Variants in PRUNE2 observed in about 807,000 individuals in gnomAD.
PRUNE2 encodes the protein prune homolog 2 with BCH domain, also known as protein prune homolog 2.
Under a neutral mutation model 252.0 loss-of-function variants are expected in PRUNE2, and 164 were observed. The ratio of observed to expected loss-of-function variants is 0.65; its 90% CI spans 0.57 to 0.74. The LOEUF (loss-of-function observed/expected upper bound fraction) is 0.74, where lower values mean the gene tolerates loss of function less well. Among genes scored for constraint, PRUNE2 ranks in the 30% least tolerant of loss-of-function variants. The pLI is 0.00. For synonymous variants in PRUNE2, 1,292 were observed against 1,350.2 expected (o/e 0.96, Z 0.94); for missense variants, 3,495 against 3,711.0 (o/e 0.94, Z 1.51).
chr9:76,810,056 C>G (rs1010870855), intron 6 of PRUNE2, among the ~76,000 whole-genome samples: 3 of 152,192 alleles, frequency 2.0e-5, no homozygotes, highest in Non-Finnish European at 4.4e-5. Flanking sequence ...AAAGCAAGCA[C>G]TGTTAAGTGC....
chr9:76,662,079 A>G (rs994410434), intron 9 of PRUNE2, among the ~76,000 whole-genome samples: 2 of 152,224 alleles, frequency 1.3e-5, no homozygotes, highest in African/African-American at 4.8e-5. Flanking sequence ...CAAACTTGTG[A>G]AAGCAGCTAA....
At chr9:76,617,593 G>A (rs1462825912) in intron 18 of PRUNE2, among the ~76,000 whole-genome samples, 1 of 152,056 alleles carries the variant, frequency 6.6e-6, no homozygotes, top group African/African-American at 2.4e-5. Flanking sequence ...GCCTCTTAAG[G>A]GCTCAGGAAA....
rs1275544870 is a variant in PRUNE2, at chr9:76,644,571, T to C, written c.8728+168A>G. 1.2e-5 allele frequency: 9 copies of C among 735,782 alleles called. 1 individual carries two copies. In the Admixed American group the frequency reaches 1.4e-4, roughly 11 times the overall value. 45.6% of individuals were successfully genotyped at this position (735,782 alleles called of 1,614,324 possible). On this transcript the variant is annotated intron_variant, in intron 12 of 18. Transcript: ENST00000376718. ...TGCCTAGTAGGATTTCAAATGTTTA[T>C]TGAATTGAATATGAGGAAATATACT... is the stretch of plus-strand genomic sequence containing the variant.
chr9:76,842,984 C>A (rs558751873), intron 4 of PRUNE2, among the ~76,000 whole-genome samples: 1 of 152,124 alleles, frequency 6.6e-6, no homozygotes, highest in Admixed American at 6.6e-5. Context: ...GGATATATAC[C>A]CAAAGGATTA....
chr9:76,768,705 A>G (rs1270809015), intron 6 of PRUNE2, among the ~76,000 whole-genome samples: 2 of 151,890 alleles, frequency 1.3e-5, no homozygotes, highest in Non-Finnish European at 2.9e-5. Flanking sequence ...AAAATAATTT[A>G]TGGTTTACCT....
At chr9:76,767,766 A>G (rs2130865993) in intron 6 of PRUNE2, among the ~76,000 whole-genome samples, 1 of 152,268 alleles carries the variant, frequency 6.6e-6, no homozygotes, top group Admixed American at 6.5e-5. Flanking sequence ...AAGTCTATCC[A>G]GGGGTGTAAA....
chr9:76,614,686 T>TC, intron 18 of PRUNE2, 86 bp from the exon 19 acceptor site: 1 of 1,043,148 alleles, frequency 9.6e-7, no homozygotes, highest in South Asian at 1.4e-5. Context: ...GTGTTTGCTT[T>TC]TTTCCTCAAA....
intron 4 of PRUNE2, among the ~76,000 whole-genome samples, chr9:76,830,009 T>C (rs1374453895): frequency 1.3e-5 from 2 of 152,222 alleles, no homozygotes; most frequent in African/African-American, 4.8e-5. Context: ...AGAATTACAA[T>C]AGAGAATTAG....
At chr9:76,631,431 G>A (rs1837567224) in intron 15 of PRUNE2, among the ~76,000 whole-genome samples, 1 of 152,174 alleles carries the variant, frequency 6.6e-6, no homozygotes, top group Admixed American at 6.5e-5. Context: ...AAACTCACCT[G>A]GAGGGAAGGC....
intron 1 of PRUNE2, among the ~76,000 whole-genome samples, chr9:76,892,135 G>A (rs1436211623): frequency 1.3e-5 from 2 of 152,220 alleles, no homozygotes; most frequent in Admixed American, 6.5e-5. Flanking sequence ...TTTCTGTTAC[G>A]CTTGTCTCAA....
chr9:76,626,366 T>A (rs929243038), intron 16 of PRUNE2, among the ~76,000 whole-genome samples: 4 of 152,226 alleles, frequency 2.6e-5, no homozygotes, highest in Non-Finnish European at 5.9e-5. Context: ...ATCCTTTGAA[T>A]GTTATTCAGT....
At chr9:76,622,184 A>G (rs1003271796) in intron 17 of PRUNE2, among the ~76,000 whole-genome samples, 1 of 152,194 alleles carries the variant, frequency 6.6e-6, no homozygotes, top group Non-Finnish European at 1.5e-5. Flanking sequence ...CTGAGCATCT[A>G]CTATGTACCA....
intron 4 of PRUNE2, among the ~76,000 whole-genome samples, chr9:76,845,386 C>A (rs577990703): frequency 6.6e-6 from 1 of 152,218 alleles, no homozygotes; most frequent in Non-Finnish European, 1.5e-5. Flanking sequence ...TGTTGAACAA[C>A]TTTCCTCTTG....
intron 6 of PRUNE2, among the ~76,000 whole-genome samples, chr9:76,813,926 C>T (rs1049570505): frequency 1.3e-5 from 2 of 152,166 alleles, no homozygotes; most frequent in Admixed American, 6.5e-5. Flanking sequence ...AAGCAATTCT[C>T]CTGCCTCAGC....
In PRUNE2 at chr9:76,823,731, G is replaced by A. The variant is rs200330101; in HGVS notation, c.662-5C>T. The A allele has an allele frequency of 3.0e-4, 462 of 1,549,414 alleles. No individual in the cohort carries two copies. The highest frequency in any genetic ancestry group is 3.8e-4 in the Non-Finnish European group (431 of 1,130,494). ...TTGTCTGTTCAATACTTAAACCTGT[G>A]GATGACAGGAAAAAAAAACATTATG... On this transcript the variant is annotated splice_polypyrimidine_tract_variant and splice_region_variant and intron_variant, in intron 5 of 18. Transcript: ENST00000376718.
intron 1 of PRUNE2, among the ~76,000 whole-genome samples, chr9:76,870,788 T>A (rs999418336): frequency 2.7e-5 from 4 of 150,406 alleles, no homozygotes; most frequent in Non-Finnish European, 5.9e-5. Context: ...ACAGGCAGGT[T>A]TGACATCATC....
intron 18 of PRUNE2, 98 bp from the exon 19 acceptor site, chr9:76,614,698 G>A: frequency 1.1e-6 from 1 of 874,684 alleles, no homozygotes; most frequent in Non-Finnish European, 1.8e-6. Flanking sequence ...TTCCTCAAAG[G>A]ACATACTGAA....
intron 9 of PRUNE2, among the ~76,000 whole-genome samples, chr9:76,677,221 T>A (rs12004136): frequency 0.013 from 2,047 of 152,368 alleles, 47 homozygotes; most frequent in African/African-American, 0.046. Flanking sequence ...TTACTGTTGC[T>A]TTGTCTATTT....
At chr9:76,640,269 T>C (rs1287418163) in intron 12 of PRUNE2, among the ~76,000 whole-genome samples, 1 of 152,214 alleles carries the variant, frequency 6.6e-6, no homozygotes, top group Non-Finnish European at 1.5e-5. Context: ...TAGATTTGGA[T>C]GGAGTTAATT....
Sources: allele counts gnomAD v4.1 joint callset (sites outside exome capture counted in the v4.1 genomes callset), GRCh38; gene constraint gnomAD v4.1.1; transcripts MANE v1.5; gene names NCBI Gene and HGNC (gene_info 2026-07-23, HGNC 2026-07-21).